Variants in PFKL observed in about 807,000 individuals in gnomAD.
PFKL encodes the protein phosphofructokinase, liver type, also known as ATP-dependent 6-phosphofructokinase, liver type.
Under a neutral mutation model 92.1 loss-of-function variants are expected in PFKL, and 74 were observed. That is an observed-to-expected ratio of 0.80 (90% CI 0.67 to 0.97). PFKL has a LOEUF of 0.97. PFKL is among the 50% of genes least tolerant of loss of function. The probability of loss-of-function intolerance (pLI) is 0.00; values close to 1 mark genes in which losing one functional copy is unlikely to be tolerated. For synonymous variants in PFKL, 494 were observed against 456.4 expected, an observed-to-expected ratio of 1.08 and a Z score of -1.05; for missense variants, 1,028 against 1,116.6, an observed-to-expected ratio of 0.92 and a Z score of 1.13.
chr21:44,320,940 A>G (rs3827256), intron 12 of PFKL: 85,195 of 152,120 alleles, frequency 0.56, 24,776 homozygotes, highest in Non-Finnish European at 0.65. Context: ...CCTCCCTTCC[A>G]TGGACATCTT....
At chr21:44,316,639 GGTGA>G in intron 9 of PFKL, 115 bp downstream of exon 9, 1 of 766,344 alleles carries the variant, frequency 1.3e-6, no homozygotes, top group Non-Finnish European at 2.1e-6. Context: ...TGTGGCTGTG[GGTGA>G]GTGTCCGTGT....
At chr21:44,304,787 C>G (rs1601993165) in intron 1 of PFKL, among the ~76,000 whole-genome samples, 1 of 142,650 alleles carries the variant, frequency 7.0e-6, no homozygotes, top group East Asian at 2.1e-4. Flanking sequence ...GCTTGTCTGT[C>G]TGTCTGGGGG....
At position 44,316,236 on chromosome 21, in the gene PFKL, T is replaced by C. The variant is rs1304340188; in HGVS notation, c.748-8T>C. On this transcript the variant is annotated splice_region_variant and splice_polypyrimidine_tract_variant and intron_variant, in intron 7 of 21. Transcript: ENST00000349048. Reference sequence around the variant, plus strand: ...TGGCAGCTGAGCCCTGTCGTGTCTTTGACCCAGACTCGGAGCCGTGGGTCC... The same window carrying C: ...TGGCAGCTGAGCCCTGTCGTGTCTTCGACCCAGACTCGGAGCCGTGGGTCC... 7 of 1,612,518 alleles carry C rather than the reference T, an allele frequency of 4.3e-6. 1 individual carries two copies. The East Asian group carries it at 6.7e-5, about 15-fold the overall frequency.
intron 19 of PFKL, chr21:44,325,680 G>C: frequency 1.9e-6 from 1 of 523,038 alleles, no homozygotes. Flanking sequence ...GGGGCCCGAG[G>C]TGGGGCCGCT....
At chr21:44,324,126 C>T (rs1325568221) in intron 16 of PFKL, among the ~76,000 whole-genome samples, 1 of 152,166 alleles carries the variant, frequency 6.6e-6, no homozygotes, top group East Asian at 1.9e-4. Context: ...TTGTTCCTCG[C>T]TACTGTGATG....
chr21:44,326,232 C>T lies in PFKL; in HGVS notation c.2163C>T (p.Pro721=), dbSNP rs148807445. The T allele has an allele frequency of 6.8e-6, 11 of 1,612,380 alleles. No individual in the cohort carries two copies. The highest frequency in any genetic ancestry group is 2.2e-5 in the East Asian group (1 of 44,844). The change falls in exon 21 of 22, where the codon CCC becomes CCT. Residue 721 remains proline (P), a synonymous_variant. Coordinates refer to ENST00000349048, the MANE Select transcript of PFKL (RefSeq NM_002626.6). ...AGAAGAAGGCGGTGGCCTTCAGCCC[C>T]GTCACTGAGCTCAAGAAAGACACTG... The part of the protein sequence containing the change: ...GLKKKAVAFS[P]VTELKKDTDF...
rs1365431236 is a variant in PFKL, at chr21:44,326,854, G to A, written c.2335G>A (p.Gly779Ser). 3 of 1,608,150 alleles carry A rather than the reference G, an allele frequency of 1.9e-6. No homozygotes were observed. Among genetic ancestry groups the A allele is most frequent in the East Asian group, 2.2e-5 (1 of 44,658 alleles). ...CCGCCGCACCCTGAGCATGGACAAG[G>A]GCTTCTGAGGCCAGCCATGCCCACG... ...VTRRTLSMDK[G>S]F is the part of the protein sequence containing the mutation. The change falls in exon 22 of 22, where the codon GGC (glycine) becomes AGC (serine). Residue 779 changes from glycine to serine, a missense_variant. Gly to Ser is a moderately conservative substitution (Grantham distance 56). Transcript: ENST00000349048.
chr21:44,324,420 G>C, intron 16 of PFKL, 71 bp from the exon 17 acceptor site: 1 of 1,530,556 alleles, frequency 6.5e-7, no homozygotes, highest in South Asian at 1.1e-5. Flanking sequence ...CTCCCTGCAG[G>C]GTAGCCATGC....
rs143375812 is a variant in PFKL, at chr21:44,313,680, C to T, written c.636C>T (p.Cys212=). Reference sequence around the variant, plus strand: ...TGCTGGAAGTGATGGGCCGGCACTGCGGGTGAGGAGGGGCTTCCTGGCCCG... The same window carrying T: ...TGCTGGAAGTGATGGGCCGGCACTGTGGGTGAGGAGGGGCTTCCTGGCCCG... ...TFVLEVMGRH[C]GYLALVSALA... The change falls in exon 6 of 22, where the codon TGC becomes TGT. Residue 212 remains cysteine (C), a splice_region_variant and synonymous_variant. Transcript: ENST00000349048. 2,709 of 1,611,268 alleles carry T rather than the reference C, an allele frequency of 1.7e-3. 4 individuals are homozygous for T. Among genetic ancestry groups the T allele is most frequent in the Non-Finnish European group, 2.1e-3 (2,478 of 1,179,166 alleles).
At chr21:44,319,970 C>T (rs2047316337) in intron 11 of PFKL, 114 bp from the exon 12 acceptor site, 4 of 905,970 alleles carry the variant, frequency 4.4e-6, no homozygotes, top group Admixed American at 1.8e-5. Context: ...CATGGCTGAG[C>T]TTCCATCGGG....
At position 44,321,785 on chromosome 21, in the gene PFKL, G is replaced by A. The variant is rs773649900; in HGVS notation, c.1248G>A (p.Ala416=). The change falls in exon 13 of 22, where the codon GCG becomes GCA. Residue 416 remains alanine, a synonymous_variant. Coordinates refer to ENST00000349048, the MANE Select transcript of PFKL (RefSeq NM_002626.6). ...GGGCCCCGGCGGCTGGCATGAATGC[G>A]GCCGTGCGCTCGGCGGTGCGGACCG... ...NVGAPAAGMN[A]AVRSAVRTGI... is the part of the protein sequence containing the mutation. 8 of 1,600,488 alleles carry A rather than the reference G, an allele frequency of 5.0e-6. No individual in the cohort carries two copies. The highest frequency in any genetic ancestry group is 1.7e-4 in the Middle Eastern group (1 of 6,028).
Position 44,311,035 on chromosome 21 carries a change from GAAC to G in PFKL, c.191_193del (p.Asn64del), listed in dbSNP as rs1316651707. The G allele has an allele frequency of 6.2e-7, 1 of 1,613,014 alleles. No homozygotes were observed. Among genetic ancestry groups the G allele is most frequent in the East Asian group, 2.2e-5 (1 of 44,874 alleles). On this transcript the variant is annotated inframe_deletion, in exon 3 of 22. Coordinates refer to ENST00000349048, the MANE Select transcript of PFKL (RefSeq NM_002626.6). ...ATGAGGGCCTCGTGGAGGGAGGTGAGAACATCAAGCAGGCCAACTGGCTGAGCG... is the reference window on the plus strand; with the variant it reads ...ATGAGGGCCTCGTGGAGGGAGGTGAGATCAAGCAGGCCAACTGGCTGAGCG...
chr21:44,307,203 CG>C, intron 2 of PFKL: 8 of 904,536 alleles, frequency 8.8e-6, no homozygotes, highest in Non-Finnish European at 1.1e-5. Context: ...CACCCAGACC[CG>C]GGGGGCAGCC....
intron 12 of PFKL, chr21:44,321,038 C>G (rs1006001498): frequency 6.6e-6 from 1 of 152,410 alleles, no homozygotes; most frequent in South Asian, 2.1e-4. Flanking sequence ...CTGGTCTCCA[C>G]GAACCCAGAA....
At position 44,326,251 on chromosome 21, in the gene PFKL, G is replaced by C; in HGVS notation, c.2182G>C (p.Asp728His). The C allele has an allele frequency of 6.2e-7, 1 of 1,611,078 alleles. No individual in the cohort carries two copies. The highest frequency in any genetic ancestry group is 1.7e-4 in the Middle Eastern group (1 of 6,054). Residue 728 changes from aspartate (D) to histidine (H), a missense_variant, in exon 21 of 22, where the codon GAC becomes CAC. Physicochemically the swap from Asp to His is moderately conservative, Grantham distance 81. Transcript: ENST00000349048. ...AFSPVTELKK[D>H]TDFEHRMPRE... ...CAGCCCCGTCACTGAGCTCAAGAAA[G>C]ACACTGATTTCGAGTGAGTTCCACC... is the stretch of plus-strand genomic sequence containing the variant.
At chr21:44,304,284 C>T in intron 1 of PFKL, 1 of 1,289,172 alleles carries the variant, frequency 7.8e-7, no homozygotes. Flanking sequence ...GGTCCCCTGA[C>T]AAGCCCACCA....
In PFKL at chr21:44,326,645, C is replaced by T. The variant is rs368759003; in HGVS notation, c.2196-70C>T. ...TGCAGGGTCGGGGGGGGTGGGGGGG[C>T]TGGGGACGTGGCTGAAGAGCTGCCC... On this transcript the variant is annotated intron_variant, in intron 21 of 21. Transcript: ENST00000349048. 586 of 1,492,760 alleles carry T rather than the reference C, an allele frequency of 3.9e-4. 2 individuals carry two copies. In the East Asian group the frequency reaches 0.011, roughly 28 times the overall value. 92.5% of individuals were successfully genotyped at this position (1,492,760 alleles called of 1,614,324 possible). A position where few individuals can be genotyped will look rare whatever the true frequency, so the allele number is the denominator to read the frequency against.
rs894952482 is a variant in PFKL at position 44,313,910 on chromosome 21, C to T, written c.639-3C>T. On this transcript the variant is annotated splice_region_variant and splice_polypyrimidine_tract_variant and intron_variant, in intron 6 of 21. Coordinates refer to ENST00000349048, the MANE Select transcript of PFKL (RefSeq NM_002626.6). ...CTGAGCAGGCAGGCGCTCGCTCCTC[C>T]AGGTACCTGGCGCTGGTATCTGCAC... 6.3e-7 allele frequency: 1 copy of T among 1,586,804 alleles called. No homozygotes were observed. Among genetic ancestry groups the T allele is most frequent in the Admixed American group, 1.8e-5 (1 of 55,242 alleles).
Position 44,321,909 on chromosome 21 carries a change from G to A in PFKL, c.1338+34G>A. 3 of 1,514,270 alleles carry A rather than the reference G, an allele frequency of 2.0e-6. No homozygotes were observed. The African/African-American group carries it at 4.2e-5, about 21-fold the overall frequency. 93.8% of individuals were successfully genotyped at this position (1,514,270 alleles called of 1,614,324 possible). ...GGCCGGGGCAAACAAGTGAGGACTTGGGCCTTCTGTGTGCACACTTGGGGC... is the reference window on the plus strand; with the variant it reads ...GGCCGGGGCAAACAAGTGAGGACTTAGGCCTTCTGTGTGCACACTTGGGGC... On this transcript the variant is annotated intron_variant, in intron 13 of 21. Transcript: ENST00000349048.
Sources: allele counts gnomAD v4.1 joint callset (sites outside exome capture counted in the v4.1 genomes callset), GRCh38; gene constraint gnomAD v4.1.1; transcripts MANE v1.5; gene names NCBI Gene and HGNC (gene_info 2026-07-23, HGNC 2026-07-21).